PDK1: variants seen among roughly 807,000 people sequenced by gnomAD.
The protein encoded by PDK1 is [Pyruvate dehydrogenase (acetyl-transferring)] kinase isozyme 1, mitochondrial.
A neutral mutation model predicts 54.2 loss-of-function variants in PDK1; 39 were observed. The observed-to-expected ratio is 0.72, with a 90% confidence interval of 0.56 to 0.94. The LOEUF (loss-of-function observed/expected upper bound fraction) is 0.94. Among genes scored for constraint, PDK1 ranks in the 40% least tolerant of loss-of-function variants. PDK1 has a pLI of 0.00. For synonymous variants in PDK1, 221 were observed against 207.1 expected, an observed-to-expected ratio of 1.07 and a Z score of -0.58; for missense variants, 552 against 566.0, an observed-to-expected ratio of 0.98 and a Z score of 0.25.
chr2:172,646,840 C>T, the PDK1 span, among the ~76,000 whole-genome samples: 1 of 149,766 alleles, frequency 6.7e-6, no homozygotes, highest in Non-Finnish European at 1.5e-5. Flanking sequence ...GAGGTTCAAG[C>T]AATTCTTCTG....
the PDK1 span, among the ~76,000 whole-genome samples, chr2:172,631,613 A>G: frequency 6.6e-6 from 1 of 152,200 alleles, no homozygotes; most frequent in Non-Finnish European, 1.5e-5. Flanking sequence ...GAGTAAAAAG[A>G]TCTCACAGAA....
chr2:172,718,981 CA>C, the PDK1 span, among the ~76,000 whole-genome samples: 283 of 152,200 alleles, frequency 1.9e-3, 1 homozygote, highest in African/African-American at 6.2e-3. Flanking sequence ...TTTTTTTAGT[CA>C]AAACCTCTAC....
the PDK1 span, among the ~76,000 whole-genome samples, chr2:172,663,221 G>T: frequency 2.7e-4 from 41 of 152,246 alleles, 1 homozygote; most frequent in South Asian, 3.5e-3. Flanking sequence ...TCACATGGTC[G>T]TTCCTCTGAG....
chr2:172,696,381 T>C, the PDK1 span, among the ~76,000 whole-genome samples: 3 of 152,168 alleles, frequency 2.0e-5, no homozygotes, highest in Admixed American at 2.0e-4. Context: ...TCTGTGGCAA[T>C]ATATAGTTCA....
the PDK1 span, among the ~76,000 whole-genome samples, chr2:172,689,895 C>A: frequency 6.7e-6 from 1 of 150,210 alleles, no homozygotes. Context: ...ACCATAAAAA[C>A]CCTAGAAGAA....
At chr2:172,667,616 C>T in the PDK1 span, among the ~76,000 whole-genome samples, 1 of 152,172 alleles carries the variant, frequency 6.6e-6, no homozygotes, top group East Asian at 1.9e-4. Flanking sequence ...ATGGTTTTCG[C>T]AAATATTACT....
At chr2:172,556,940 C>G (rs1260624417) in intron 1 of PDK1, among the ~76,000 whole-genome samples, 3 of 152,206 alleles carry the variant, frequency 2.0e-5, no homozygotes, top group Admixed American at 2.0e-4. Flanking sequence ...ACCACATTAT[C>G]TTGGTTTTCT....
the PDK1 span, among the ~76,000 whole-genome samples, chr2:172,617,725 A>C: frequency 6.6e-6 from 1 of 152,178 alleles, no homozygotes; most frequent in Non-Finnish European, 1.5e-5. Flanking sequence ...CCAACACATG[A>C]GTTAAGAGGG....
At chr2:172,697,760 G>A in the PDK1 span, among the ~76,000 whole-genome samples, 15,184 of 152,038 alleles carry the variant, frequency 0.1, 930 homozygotes, top group South Asian at 0.2. Flanking sequence ...CTCAGAAGAT[G>A]GAAGAAACTT....
chr2:172,640,568 C>A, the PDK1 span, among the ~76,000 whole-genome samples: 3 of 152,186 alleles, frequency 2.0e-5, no homozygotes, highest in African/African-American at 7.2e-5. Context: ...TAATAGCTGG[C>A]AGCTGTTTGC....
At chr2:172,718,480 T>A in the PDK1 span, among the ~76,000 whole-genome samples, 1 of 152,242 alleles carries the variant, frequency 6.6e-6, no homozygotes, top group Non-Finnish European at 1.5e-5. Context: ...TTGAGATCTG[T>A]AAGATATATT....
the PDK1 span, among the ~76,000 whole-genome samples, chr2:172,666,055 T>C: frequency 1.3e-5 from 2 of 152,344 alleles, no homozygotes; most frequent in African/African-American, 4.8e-5. Context: ...TTTCTGGTAA[T>C]ATAAGAAATA....
chr2:172,557,009 C>CA (rs1376126831), intron 1 of PDK1, among the ~76,000 whole-genome samples: 1 of 152,230 alleles, frequency 6.6e-6, no homozygotes, highest in Non-Finnish European at 1.5e-5. Context: ...TTAACTTTTA[C>CA]ATCCCACTTC....
chr2:172,640,750 T>A, the PDK1 span, among the ~76,000 whole-genome samples: 1 of 152,172 alleles, frequency 6.6e-6, no homozygotes, highest in Non-Finnish European at 1.5e-5. Flanking sequence ...GTTTAGATAA[T>A]GTAGGGACCA....
chr2:172,595,004 C>T (rs1385820215), intron 10 of PDK1, among the ~76,000 whole-genome samples: 4 of 152,070 alleles, frequency 2.6e-5, no homozygotes, highest in Admixed American at 1.3e-4. Flanking sequence ...AATAAATGTT[C>T]ACGAAAAAGC....
chr2:172,592,682 G>A (rs560888971), intron 9 of PDK1, among the ~76,000 whole-genome samples: 2 of 152,180 alleles, frequency 1.3e-5, no homozygotes, highest in Admixed American at 6.5e-5. Context: ...ATGCTTTTTC[G>A]AGACCAACCA....
chr2:172,580,833 T>C (rs755894715), intron 8 of PDK1, among the ~76,000 whole-genome samples: 1 of 151,888 alleles, frequency 6.6e-6, no homozygotes, highest in Non-Finnish European at 1.5e-5. Context: ...GAAGACATTA[T>C]GCTAAGTGAA....
rs1691240538 is a variant in PDK1 at position 172,605,031 on chromosome 2, C to G, written c.*9062C>G. The G allele has an allele frequency of 6.6e-6, 1 of 152,222 alleles. No homozygotes were observed. The highest frequency in any genetic ancestry group is 2.4e-5 in the African/African-American group (1 of 41,444). The allele number at this position is 152,222 out of a possible 1,614,324, so 9.4% of individuals were successfully genotyped here. ...CCAGGCTTAACATTCCTGAGGCTCT[C>G]AGAGAAAACTTTTCCCTCTATAGAC... On this transcript the variant is annotated 3_prime_UTR_variant, in exon 11 of 11. Transcript: ENST00000282077.
the PDK1 span, among the ~76,000 whole-genome samples, chr2:172,692,715 C>T: frequency 6.6e-6 from 1 of 152,144 alleles, no homozygotes; most frequent in African/African-American, 2.4e-5. Context: ...CTGGATCTTG[C>T]CATGAGGTGA....
Sources: allele counts gnomAD v4.1 joint callset (sites outside exome capture counted in the v4.1 genomes callset), GRCh38; gene constraint gnomAD v4.1.1; transcripts MANE v1.5; gene names NCBI Gene and HGNC (gene_info 2026-07-23, HGNC 2026-07-21).